Variants in PTPRD observed in about 807,000 individuals in gnomAD.
PTPRD encodes the protein receptor-type tyrosine-protein phosphatase delta.
Under a neutral mutation model 214.5 loss-of-function variants are expected in PTPRD, and 34 were observed. The ratio of observed to expected loss-of-function variants is 0.16; its 90% CI spans 0.12 to 0.21. PTPRD has a LOEUF of 0.21. PTPRD is among the 10% of genes least tolerant of loss of function. The pLI, the probability that PTPRD is intolerant of heterozygous loss-of-function variation, is 1.00. For synonymous variants in PTPRD, 1,128 were observed against 845.7 expected (o/e 1.33, Z -5.79); for missense variants, 2,545 against 2,398.7 (o/e 1.06, Z -1.27).
intron 12 of PTPRD, among the ~76,000 whole-genome samples, chr9:8,671,812 G>T (rs868558799): frequency 6.6e-6 from 1 of 152,110 alleles, no homozygotes; most frequent in African/African-American, 2.4e-5. Flanking sequence ...CCATATGAAA[G>T]AACTGTATCT....
At chr9:8,440,340 T>C (rs1448122278) in intron 34 of PTPRD, among the ~76,000 whole-genome samples, 2 of 151,022 alleles carry the variant, frequency 1.3e-5, no homozygotes, top group Admixed American at 1.3e-4. Flanking sequence ...TTTTGAGATG[T>C]AGTCTCACTC....
At chr9:8,481,033 G>C (rs746178976) in intron 30 of PTPRD, among the ~76,000 whole-genome samples, 7 of 150,872 alleles carry the variant, frequency 4.6e-5, no homozygotes, top group Admixed American at 2.0e-4. Context: ...ACAGCCGCTC[G>C]AGAGGCTGAG....
intron 3 of PTPRD, among the ~76,000 whole-genome samples, chr9:10,203,075 C>A (rs1387201961): frequency 2.6e-5 from 4 of 151,580 alleles, no homozygotes; most frequent in African/African-American, 4.9e-5. Context: ...ACGTGTACTT[C>A]TCTTGATGTA....
At chr9:8,717,945 C>T (rs771331087) in intron 12 of PTPRD, among the ~76,000 whole-genome samples, 11 of 152,160 alleles carry the variant, frequency 7.2e-5, no homozygotes, top group Non-Finnish European at 1.5e-4. Flanking sequence ...TTATAATTAT[C>T]TTTACCACTA....
chr9:8,993,548 G>A (rs949744842), intron 11 of PTPRD, among the ~76,000 whole-genome samples: 1 of 152,032 alleles, frequency 6.6e-6, no homozygotes, highest in Non-Finnish European at 1.5e-5. Context: ...ATGATCAAAT[G>A]ACTAATAGAA....
At chr9:9,165,964 T>C (rs1166724038) in intron 10 of PTPRD, among the ~76,000 whole-genome samples, 2 of 145,720 alleles carry the variant, frequency 1.4e-5, no homozygotes, top group Non-Finnish European at 2.9e-5. Flanking sequence ...ACCCTTTTAA[T>C]TTTTTTCTCA....
chr9:8,859,098 G>A lies in PTPRD; in HGVS notation c.-103-125152C>T, dbSNP rs181213823. On this transcript the variant is annotated intron_variant, in intron 11 of 45. Transcript: ENST00000381196. ...GTGTCCGCCCCAGTTCACCTTGGCAGCCTCCTTCGGGGATGCTTGTAGGAT... is the reference window on the plus strand; with the variant it reads ...GTGTCCGCCCCAGTTCACCTTGGCAACCTCCTTCGGGGATGCTTGTAGGAT... Among the ~76,000 whole-genome samples the A allele has an allele frequency of 3.3e-5, 5 of 152,348 alleles. No homozygotes were observed. The East Asian group carries it at 9.7e-4, about 29-fold the overall frequency.
chr9:10,015,621 T>C (rs117798752), intron 4 of PTPRD, among the ~76,000 whole-genome samples: 1,781 of 152,258 alleles, frequency 0.012, 15 homozygotes, highest in South Asian at 0.019. Context: ...GAGATTTAAA[T>C]TGTGTACTTA....
At chr9:8,794,721 A>C (rs1008688438) in intron 11 of PTPRD, among the ~76,000 whole-genome samples, 7 of 152,126 alleles carry the variant, frequency 4.6e-5, no homozygotes, top group African/African-American at 1.7e-4. Context: ...GGTTTCAAAG[A>C]GATTTTAAGT....
intron 11 of PTPRD, among the ~76,000 whole-genome samples, chr9:9,000,891 T>C (rs775749791): frequency 6.6e-6 from 1 of 151,968 alleles, no homozygotes; most frequent in Admixed American, 6.6e-5. Flanking sequence ...GGCCAGAGTA[T>C]ACTCACAATG....
At chr9:9,974,539 A>G (rs1158653805) in intron 4 of PTPRD, among the ~76,000 whole-genome samples, 1 of 152,214 alleles carries the variant, frequency 6.6e-6, no homozygotes, top group African/African-American at 2.4e-5. Context: ...TTTGAAAATA[A>G]CATTTAAATA....
intron 7 of PTPRD, among the ~76,000 whole-genome samples, chr9:9,689,399 A>G (rs1410884650): frequency 6.6e-6 from 1 of 151,874 alleles, no homozygotes; most frequent in Non-Finnish European, 1.5e-5. Flanking sequence ...TAAGAGATGC[A>G]CATGTTTCAG....
intron 11 of PTPRD, among the ~76,000 whole-genome samples, chr9:8,926,720 A>G (rs962970846): frequency 5.3e-5 from 8 of 152,158 alleles, no homozygotes; most frequent in African/African-American, 7.2e-5. Context: ...AAATATTTTT[A>G]TGTATATAAC....
intron 43 of PTPRD, 36 bp from the exon 44 acceptor site, chr9:8,331,772 A>AAGACGCCAGG: frequency 1.3e-6 from 2 of 1,543,480 alleles, no homozygotes; most frequent in Non-Finnish European, 1.7e-6. Context: ...GCCGCAAAGG[A>AAGACGCCAGG]AGACGCCAGG....
At chr9:8,816,079 A>G (rs2154524648) in intron 11 of PTPRD, among the ~76,000 whole-genome samples, 1 of 152,340 alleles carries the variant, frequency 6.6e-6, no homozygotes, top group African/African-American at 2.4e-5. Flanking sequence ...TAAGGATTTT[A>G]AATGAAACCC....
intron 2 of PTPRD, among the ~76,000 whole-genome samples, chr9:10,543,589 G>C (rs925591381): frequency 7.2e-5 from 11 of 151,820 alleles, no homozygotes; most frequent in Admixed American, 2.6e-4. Flanking sequence ...TGATCTATCA[G>C]CATTATTGGA....
chr9:8,952,523 A>G (rs1382274690), intron 11 of PTPRD, among the ~76,000 whole-genome samples: 1 of 151,852 alleles, frequency 6.6e-6, no homozygotes, highest in Non-Finnish European at 1.5e-5. Context: ...CATTATCCCA[A>G]ATTAAGGAGC....
rs569953775 is a variant in PTPRD at position 10,065,815 on chromosome 9, G to C, written c.-544-32025C>G. On this transcript the variant is annotated intron_variant, in intron 3 of 45. Transcript: ENST00000381196. The stretch of plus-strand genomic sequence containing the variant: ...ATTTTCCGGTGATTAAGAAAATAAA[G>C]GAAATCAATCATGACCAGTTATACT... 2.6e-5 allele frequency among the ~76,000 whole-genome samples: 4 copies of C among 151,978 alleles called. No individual in the cohort carries two copies. In the South Asian group the frequency reaches 8.3e-4, roughly 31 times the overall value.
At chr9:10,135,968 C>A (rs1203979003) in intron 3 of PTPRD, among the ~76,000 whole-genome samples, 1 of 150,164 alleles carries the variant, frequency 6.7e-6, no homozygotes, top group Admixed American at 6.7e-5. Flanking sequence ...AAGGCCCAAC[C>A]AGCTATTGCC....
Sources: allele counts gnomAD v4.1 joint callset (sites outside exome capture counted in the v4.1 genomes callset), GRCh38; gene constraint gnomAD v4.1.1; transcripts MANE v1.5; gene names NCBI Gene and HGNC (gene_info 2026-07-23, HGNC 2026-07-21).